The following CCR5AS variants were observed in gnomAD, a reference collection of about 807,000 sequenced individuals.
CCR5AS encodes CCR5 antisense RNA.
intron 1 of CCR5AS, among the ~76,000 whole-genome samples, chr3:46,393,549 G>A (rs1701934345): frequency 6.6e-6 from 1 of 151,134 alleles, no homozygotes. Flanking sequence ...AAATTATAGG[G>A]AAAAGTGTCA....
intron 1 of CCR5AS, among the ~76,000 whole-genome samples, chr3:46,394,974 G>A (rs918446021): frequency 1.3e-5 from 2 of 152,084 alleles, no homozygotes; most frequent in Admixed American, 1.3e-4. Context: ...ATTGCCCCTG[G>A]CGATGTGGAG....
chr3:46,383,722 A>C (rs1461224454), intron 2 of CCR5AS, among the ~76,000 whole-genome samples: 2 of 152,168 alleles, frequency 1.3e-5, no homozygotes, highest in African/African-American at 4.8e-5. Context: ...TCCTTCAAGC[A>C]GAAACAGAAA....
intron 2 of CCR5AS, among the ~76,000 whole-genome samples, chr3:46,392,303 C>T (rs1278397311): frequency 6.6e-6 from 1 of 152,122 alleles, no homozygotes; most frequent in Non-Finnish European, 1.5e-5. Context: ...GGCTTATAAG[C>T]CCCTTAAAAT....
exon 2 of CCR5AS, chr3:46,392,843 G>C (rs1388104351): frequency 4.6e-6 from 1 of 216,514 alleles, no homozygotes; most frequent in East Asian, 1.6e-4. Context: ...AAATTGGTGA[G>C]ATGTTCCTTG....
At chr3:46,392,736 C>T (rs1446543867) in intron 2 of CCR5AS, 1 of 154,808 alleles carries the variant, frequency 6.5e-6, no homozygotes, top group South Asian at 2.0e-4. Flanking sequence ...TTTGTCTCTA[C>T]TAGAGAGGAA....
At chr3:46,376,568 T>C (rs1305951410) in intron 2 of CCR5AS, among the ~76,000 whole-genome samples, 2 of 152,214 alleles carry the variant, frequency 1.3e-5, no homozygotes, top group Non-Finnish European at 1.5e-5. Flanking sequence ...TTGTCTATGT[T>C]TGAAAATGAA....
At chr3:46,373,598 G>A (rs1339679055) in intron 2 of CCR5AS, 3 of 1,613,824 alleles carry the variant, frequency 1.9e-6, no homozygotes, top group Admixed American at 1.7e-5. Context: ...AGAGGCACAG[G>A]GCTGTGAGGC....
intron 2 of CCR5AS, among the ~76,000 whole-genome samples, chr3:46,371,861 G>A (rs770264176): frequency 1.2e-4 from 18 of 152,128 alleles, no homozygotes; most frequent in African/African-American, 2.2e-4. Flanking sequence ...TTGGGCACCC[G>A]GCCATTTCAC....
At chr3:46,404,302 T>C (rs1399795342) in intron 1 of CCR5AS, among the ~76,000 whole-genome samples, 1 of 76,026 alleles carries the variant, frequency 1.3e-5, no homozygotes, top group African/African-American at 4.7e-5. Context: ...AGGCTTTCTC[T>C]CTCTCTCTCT....
At chr3:46,382,500 C>T (rs956267459) in intron 2 of CCR5AS, among the ~76,000 whole-genome samples, 2 of 152,220 alleles carry the variant, frequency 1.3e-5, no homozygotes, top group African/African-American at 4.8e-5. Context: ...TCCTTGATTT[C>T]CTTGGCATGA....
chr3:46,382,493 T>C (rs1031837792), intron 2 of CCR5AS, among the ~76,000 whole-genome samples: 31 of 152,256 alleles, frequency 2.0e-4, no homozygotes, highest in African/African-American at 7.5e-4. Context: ...GTTAGCATCC[T>C]TGATTTCCTT....
intron 2 of CCR5AS, among the ~76,000 whole-genome samples, chr3:46,386,197 T>A (rs994144350): frequency 1.3e-5 from 2 of 152,150 alleles, no homozygotes; most frequent in Non-Finnish European, 2.9e-5. Context: ...ATTACAGGAA[T>A]GAGCCACCCC....
intron 2 of CCR5AS, chr3:46,373,467 T>C (rs765239542): frequency 9.1e-6 from 12 of 1,316,418 alleles, no homozygotes; most frequent in Non-Finnish European, 1.3e-5. Flanking sequence ...TCAGTATCAA[T>C]TCTGGAAGAA....
chr3:46,388,898 T>A (rs1701884440), intron 2 of CCR5AS, among the ~76,000 whole-genome samples: 1 of 152,200 alleles, frequency 6.6e-6, no homozygotes, highest in Non-Finnish European at 1.5e-5. Context: ...AAAGATCATC[T>A]GTCCACTCCA....
intron 1 of CCR5AS, among the ~76,000 whole-genome samples, chr3:46,400,902 G>C (rs1275536808): frequency 6.6e-6 from 1 of 152,226 alleles, no homozygotes; most frequent in Non-Finnish European, 1.5e-5. Context: ...TGGCACCGAG[G>C]CCAAGGATGT....
rs550329625 is a variant in CCR5AS, at chr3:46,377,602, A to T, written n.392-6185T>A. The stretch of plus-strand genomic sequence containing the variant: ...GGGGAGAGATAGAGCTCCAAATGCA[A>T]ACATAACTGCTCAAGTGTTAACACT... On this transcript the variant is annotated intron_variant and non_coding_transcript_variant, in intron 2 of 3. Transcript: ENST00000451485. Among the ~76,000 whole-genome samples, 3 of 152,346 alleles carry T rather than the reference A, an allele frequency of 2.0e-5. No homozygotes were observed. The South Asian group carries it at 6.2e-4, about 32-fold the overall frequency.
chr3:46,382,939 G>T (rs1701828365), intron 2 of CCR5AS, among the ~76,000 whole-genome samples: 1 of 152,178 alleles, frequency 6.6e-6, no homozygotes, highest in Admixed American at 6.5e-5. Flanking sequence ...TTTGTTCAGA[G>T]GATAAATGAG....
intron 1 of CCR5AS, among the ~76,000 whole-genome samples, chr3:46,405,878 C>CA (rs1702040817): frequency 6.7e-6 from 1 of 148,724 alleles, no homozygotes; most frequent in African/African-American, 2.5e-5. Flanking sequence ...CCTCCTTCTT[C>CA]TTTTTTTTTT....
At chr3:46,375,723 C>G (rs1451589330) in intron 2 of CCR5AS, 2 of 166,726 alleles carry the variant, frequency 1.2e-5, no homozygotes, top group African/African-American at 4.8e-5. Context: ...CCAGAAGCAA[C>G]AGAAAAAATC....
Sources: gnomAD v4.1 joint callset for allele counts (sites outside exome capture counted in the v4.1 genomes callset) on GRCh38, gnomAD v4.1.1 for gene constraint, MANE v1.5 for transcripts, NCBI Gene and HGNC (gene_info 2026-07-23, HGNC 2026-07-21) for gene names.